Variants in ERC2 observed in about 807,000 individuals in gnomAD.
ERC2 encodes the protein ERC protein 2.
In ERC2, 42 loss-of-function variants were observed where a neutral mutation model predicts 114.8. The ratio of observed to expected loss-of-function variants is 0.37; its 90% CI spans 0.29 to 0.47. The LOEUF (loss-of-function observed/expected upper bound fraction) is 0.47. Ranked by LOEUF, ERC2 falls within the 20% of genes least tolerant of loss-of-function variation. ERC2 has a pLI of 0.99. For synonymous variants in ERC2, 454 were observed against 425.5 expected (o/e 1.07, Z -0.82); for missense variants, 939 against 1,150.7 (o/e 0.82, Z 2.66).
At chr3:55,952,167 ACACACACACACACTCT>A (rs1559922376) in intron 12 of ERC2, among the ~76,000 whole-genome samples, 10 of 68,484 alleles carry the variant, frequency 1.5e-4, no homozygotes, top group South Asian at 6.3e-4. Flanking sequence ...ACACACACAC[ACACACACACACACTCT>A]CTCTCTCTCT....
At chr3:55,804,042 A>G (rs2059399914) in intron 14 of ERC2, among the ~76,000 whole-genome samples, 1 of 152,168 alleles carries the variant, frequency 6.6e-6, no homozygotes, top group Non-Finnish European at 1.5e-5. Flanking sequence ...TTTTCTCTGT[A>G]TTTAATTCTC....
intron 3 of ERC2, among the ~76,000 whole-genome samples, chr3:56,212,854 A>C (rs1294408409): frequency 6.6e-6 from 1 of 152,190 alleles, no homozygotes; most frequent in East Asian, 1.9e-4. Context: ...AGCCATGAAA[A>C]GGAACAAAAT....
chr3:55,871,263 T>G (rs570279897), intron 14 of ERC2, among the ~76,000 whole-genome samples: 1 of 152,144 alleles, frequency 6.6e-6, no homozygotes, highest in Admixed American at 6.5e-5. Context: ...TAAATGAGAG[T>G]TGAATTAATT....
intron 1 of ERC2, among the ~76,000 whole-genome samples, chr3:56,465,817 T>C (rs1316573047): frequency 6.6e-6 from 1 of 152,268 alleles, no homozygotes; most frequent in East Asian, 1.9e-4. Flanking sequence ...AGCCTTCAAA[T>C]GCAAAGGCAA....
intron 14 of ERC2, among the ~76,000 whole-genome samples, chr3:55,832,112 C>T (rs183352113): frequency 1.3e-5 from 2 of 152,242 alleles, no homozygotes; most frequent in African/African-American, 4.8e-5. Context: ...GAGGCTCGAA[C>T]TGGGTGGAGC....
intron 13 of ERC2, among the ~76,000 whole-genome samples, chr3:55,930,413 T>A (rs1452783999): frequency 6.6e-6 from 1 of 151,768 alleles, no homozygotes; most frequent in Admixed American, 6.6e-5. Flanking sequence ...GAGATATAGA[T>A]CAATGGAACA....
At chr3:55,734,720 C>A (rs368588414) in intron 15 of ERC2, 51 bp downstream of exon 15, 3 of 1,558,224 alleles carry the variant, frequency 1.9e-6, no homozygotes, top group Non-Finnish European at 2.6e-6. Context: ...CAGAGAAAGC[C>A]CCCAAAGCCC....
chr3:56,439,623 T>C (rs2062194237), intron 1 of ERC2, among the ~76,000 whole-genome samples: 1 of 151,900 alleles, frequency 6.6e-6, no homozygotes, highest in South Asian at 2.1e-4. Flanking sequence ...CATTGCTTTG[T>C]ATAACTTTTC....
chr3:55,703,464 C>T (rs2063329355), intron 15 of ERC2, among the ~76,000 whole-genome samples: 1 of 152,260 alleles, frequency 6.6e-6, no homozygotes, highest in African/African-American at 2.4e-5. Context: ...GCCTCTTCCA[C>T]TGCTTTCAGC....
At chr3:56,032,901 CAGAAAGAAAGAAAGAAAG>C (rs1485171600) in intron 7 of ERC2, among the ~76,000 whole-genome samples, 25 of 36,866 alleles carry the variant, frequency 6.8e-4, no homozygotes, top group African/African-American at 1.9e-3. Flanking sequence ...GAGAGAGAGA[CAGAAAGAAAGAAAGAAAG>C]AAAGAAAGAA....
intron 17 of ERC2, among the ~76,000 whole-genome samples, chr3:55,563,402 C>A (rs2056166721): frequency 6.6e-6 from 1 of 151,266 alleles, no homozygotes; most frequent in African/African-American, 2.4e-5. Context: ...GGTACCTGGA[C>A]ACTCTTCACT....
chr3:55,921,478 A>C (rs11919999), intron 13 of ERC2, among the ~76,000 whole-genome samples: 85,520 of 151,878 alleles, frequency 0.56, 25,492 homozygotes, highest in Non-Finnish European at 0.64. Flanking sequence ...TTGCTTCTCT[A>C]CTGGGAATTC....
chr3:55,734,539 GA>G (rs1159039180), intron 15 of ERC2, among the ~76,000 whole-genome samples: 19 of 152,260 alleles, frequency 1.2e-4, no homozygotes, highest in African/African-American at 4.3e-4. Flanking sequence ...TGACACAAAA[GA>G]AAGGAAAACA....
chr3:56,428,296 G>A (rs976736523), intron 2 of ERC2, among the ~76,000 whole-genome samples: 10 of 152,116 alleles, frequency 6.6e-5, no homozygotes, highest in African/African-American at 2.2e-4. Flanking sequence ...TGAGGCGGGC[G>A]GATCACCTGA....
At chr3:56,389,373 G>T (rs1227233350) in intron 2 of ERC2, among the ~76,000 whole-genome samples, 1 of 152,182 alleles carries the variant, frequency 6.6e-6, no homozygotes, top group Admixed American at 6.5e-5. Context: ...ACAAGAGTCA[G>T]TGTCACAGAA....
At chr3:55,583,540 C>CCTTT (rs1283658452) in intron 17 of ERC2, among the ~76,000 whole-genome samples, 2 of 38,048 alleles carry the variant, frequency 5.3e-5, no homozygotes, top group Admixed American at 6.4e-4. Context: ...TTCCTTCCTT[C>CCTTT]CTTTCTTCCT....
chr3:55,530,025 A>T (rs1160961261), intron 17 of ERC2, among the ~76,000 whole-genome samples: 1 of 152,224 alleles, frequency 6.6e-6, no homozygotes, highest in East Asian at 1.9e-4. Flanking sequence ...AGCAAGAGGA[A>T]TAAAGGATTC....
At chr3:55,820,894 G>A (rs146478092) in intron 14 of ERC2, among the ~76,000 whole-genome samples, 156 of 152,310 alleles carry the variant, frequency 1.0e-3, no homozygotes, top group South Asian at 4.6e-3. Context: ...TAAGTGTAAC[G>A]GAGAGGGAGA....
chr3:56,277,035 C>A (rs978883979), intron 3 of ERC2, among the ~76,000 whole-genome samples: 16 of 152,190 alleles, frequency 1.1e-4, no homozygotes, highest in African/African-American at 3.6e-4. Context: ...TCCCTAGGGA[C>A]CAAACGCAAA....
Sources: allele counts gnomAD v4.1 joint callset (sites outside exome capture counted in the v4.1 genomes callset), GRCh38; gene constraint gnomAD v4.1.1; transcripts MANE v1.5; gene names NCBI Gene and HGNC (gene_info 2026-07-23, HGNC 2026-07-21).